Variants in SLC9A4 observed in about 807,000 individuals in gnomAD.
The protein encoded by SLC9A4 is sodium/hydrogen exchanger 4.
In SLC9A4, 63 loss-of-function variants were observed where a neutral mutation model predicts 67.4. The observed-to-expected ratio is 0.93, with a 90% CI of 0.76 to 1.15. SLC9A4 has a LOEUF of 1.15. Among genes scored for constraint, SLC9A4 ranks in the 50% most tolerant of loss-of-function variants. The probability of loss-of-function intolerance (pLI) is 0.00; values close to 1 mark genes in which losing one functional copy is unlikely to be tolerated. For missense variants in SLC9A4, 1,089 were observed against 987.7 expected, an observed-to-expected ratio of 1.10 and a Z score of -1.38; for synonymous variants, 393 against 367.2, an observed-to-expected ratio of 1.07 and a Z score of -0.80.
rs374383410 is a variant in SLC9A4, at chr2:102,527,962, C to G, written c.2038+1616C>G. ...TTTTCTTGAGATGAATTTGAAGAAC[C>G]CTATATAACAAGGATATCATCCATT... is the stretch of plus-strand genomic sequence containing the variant. On this transcript the variant is annotated intron_variant, in intron 11 of 11. Transcript: ENST00000295269. Among the ~76,000 whole-genome samples, 5 of 151,884 alleles carry G rather than the reference C, an allele frequency of 3.3e-5. No individual in the cohort carries two copies. The South Asian group carries it at 8.3e-4, about 25-fold the overall frequency.
intron 11 of SLC9A4, among the ~76,000 whole-genome samples, chr2:102,531,190 G>A (rs541704088): frequency 6.6e-6 from 1 of 151,396 alleles, no homozygotes; most frequent in South Asian, 2.1e-4. Context: ...AGCCTCCCGA[G>A]TAGCTGGGAC....
At chr2:102,514,047 T>A (rs763865670) in intron 7 of SLC9A4, 43 bp from the exon 8 acceptor site, 1 of 1,597,428 alleles carries the variant, frequency 6.3e-7, no homozygotes, top group South Asian at 1.1e-5. Context: ...ATGTAACACA[T>A]ACAGACGTTC....
chr2:102,502,372 A>C (rs888066458), intron 2 of SLC9A4, among the ~76,000 whole-genome samples: 1 of 152,198 alleles, frequency 6.6e-6, no homozygotes, highest in African/African-American at 2.4e-5. Context: ...CGTTTGGGGG[A>C]TTCGATGAAA....
chr2:102,504,146 G>A (rs1200336785), intron 3 of SLC9A4, among the ~76,000 whole-genome samples: 1 of 152,044 alleles, frequency 6.6e-6, no homozygotes, highest in Non-Finnish European at 1.5e-5. Flanking sequence ...TCCGCCTCCC[G>A]GGTTCACTCC....
chr2:102,512,679 ATGGTGGAAG>A (rs1685189265), intron 7 of SLC9A4, among the ~76,000 whole-genome samples: 1 of 152,232 alleles, frequency 6.6e-6, no homozygotes. Flanking sequence ...TGGGGAGGCC[ATGGTGGAAG>A]ATCTTTAAGA....
intron 2 of SLC9A4, among the ~76,000 whole-genome samples, chr2:102,482,539 C>T (rs1201774781): frequency 6.6e-6 from 1 of 152,064 alleles, no homozygotes; most frequent in Admixed American, 6.5e-5. Context: ...GAGTAAGTGT[C>T]GTTGTCTGGG....
chr2:102,485,485 C>A (rs926157150), intron 2 of SLC9A4, among the ~76,000 whole-genome samples: 4 of 152,182 alleles, frequency 2.6e-5, no homozygotes, highest in Admixed American at 6.5e-5. Flanking sequence ...AATTCCTTTG[C>A]CGTCTTCTCT....
chr2:102,489,027 A>C (rs1684646624), intron 2 of SLC9A4, among the ~76,000 whole-genome samples: 1 of 152,188 alleles, frequency 6.6e-6, no homozygotes, highest in Admixed American at 6.5e-5. Context: ...CTCTCAGAAA[A>C]AGCAAATTAC....
intron 8 of SLC9A4, among the ~76,000 whole-genome samples, chr2:102,515,038 A>G (rs1353003522): frequency 6.6e-6 from 1 of 152,202 alleles, no homozygotes; most frequent in Admixed American, 6.5e-5. Flanking sequence ...TTCAATGTCA[A>G]AAGAACTCAT....
chr2:102,519,598 C>T (rs1332337970), intron 8 of SLC9A4, among the ~76,000 whole-genome samples: 1 of 152,034 alleles, frequency 6.6e-6, no homozygotes, highest in Non-Finnish European at 1.5e-5. Context: ...TAACTTGTTA[C>T]CACTTTAGAC....
chr2:102,483,841 T>TATACACACACACAC (rs370126753), intron 2 of SLC9A4, among the ~76,000 whole-genome samples: 2 of 126,780 alleles, frequency 1.6e-5, no homozygotes, highest in African/African-American at 6.2e-5. Context: ...TATATATATA[T>TATACACACACACAC]ACACACACAC....
rs534362402 is a variant in SLC9A4 at position 102,511,201 on chromosome 2, G to A, written c.1489-1002G>A. On this transcript the variant is annotated intron_variant, in intron 6 of 11. Coordinates refer to ENST00000295269, the MANE Select transcript of SLC9A4 (RefSeq NM_001011552.4). ...TCCAAAATCTACCCTAAAGTTCATG[G>A]TCAAAGTGACCTAGGAAATTTGGTT... is the stretch of plus-strand genomic sequence containing the variant. 1.3e-3 allele frequency among the ~76,000 whole-genome samples: 197 copies of A among 152,222 alleles called. 2 individuals carry two copies. The highest frequency in any genetic ancestry group is 4.2e-3 in the African/African-American group (176 of 41,524).
intron 2 of SLC9A4, among the ~76,000 whole-genome samples, chr2:102,502,021 G>A (rs1267535374): frequency 6.6e-6 from 1 of 152,072 alleles, no homozygotes; most frequent in Non-Finnish European, 1.5e-5. Context: ...ATACCATCAC[G>A]GCCACGATTT....
At chr2:102,486,870 C>T (rs1180216784) in intron 2 of SLC9A4, among the ~76,000 whole-genome samples, 1 of 152,214 alleles carries the variant, frequency 6.6e-6, no homozygotes, top group Non-Finnish European at 1.5e-5. Context: ...CTGCCATCTG[C>T]CGGGTGTCTG....
chr2:102,524,872 C>A, intron 9 of SLC9A4, 152 bp from the exon 10 acceptor site: 1 of 891,526 alleles, frequency 1.1e-6, no homozygotes, highest in Non-Finnish European at 1.7e-6. Context: ...GGCGCTGAGG[C>A]TTGTTCATTC....
intron 8 of SLC9A4, among the ~76,000 whole-genome samples, chr2:102,514,815 C>T (rs1013578992): frequency 2.0e-5 from 3 of 152,132 alleles, no homozygotes; most frequent in Admixed American, 1.3e-4. Context: ...CTATGTGAGA[C>T]CAGCTTGGAG....
Position 102,473,249 on chromosome 2 carries a change from G to C in SLC9A4, c.-511G>C, listed in dbSNP as rs1382292242. Reference sequence around the variant, plus strand: ...TCATTCAAAACAAATGAGAGGACAGGGGGAGGAGAGAAGGAACAAGCGCAG... The same window carrying C: ...TCATTCAAAACAAATGAGAGGACAGCGGGAGGAGAGAAGGAACAAGCGCAG... On this transcript the variant is annotated 5_prime_UTR_variant, in exon 1 of 12. Transcript: ENST00000295269. The C allele has an allele frequency of 6.5e-6, 1 of 153,308 alleles. No homozygotes were observed. Among genetic ancestry groups the C allele is most frequent in the Non-Finnish European group, 1.5e-5 (1 of 68,870 alleles). The allele number at this position is 153,308 out of a possible 1,614,324, so 9.5% of individuals were successfully genotyped here.
chr2:102,492,264 C>T (rs1387371373), intron 2 of SLC9A4, among the ~76,000 whole-genome samples: 1 of 152,248 alleles, frequency 6.6e-6, no homozygotes, highest in Non-Finnish European at 1.5e-5. Flanking sequence ...CTAGGCAGCA[C>T]CCAAATGGGG....
rs567517033 is a variant in SLC9A4 at position 102,531,887 on chromosome 2, A to G, written c.2039-443A>G. On this transcript the variant is annotated intron_variant, in intron 11 of 11. Coordinates refer to ENST00000295269, the MANE Select transcript of SLC9A4 (RefSeq NM_001011552.4). The stretch of plus-strand genomic sequence containing the variant: ...TTCTATATCAAAGATTGGAACTCAG[A>G]TGTAATGCTTTCTGGTAACCACTGA... 2.6e-5 allele frequency among the ~76,000 whole-genome samples: 4 copies of G among 152,306 alleles called. No homozygotes were observed. The South Asian group carries it at 6.2e-4, about 24-fold the overall frequency.
Sources: gnomAD v4.1 joint callset for allele counts (sites outside exome capture counted in the v4.1 genomes callset) on GRCh38, gnomAD v4.1.1 for gene constraint, MANE v1.5 for transcripts, NCBI Gene and HGNC (gene_info 2026-07-23, HGNC 2026-07-21) for gene names.